The following VAV3 variants were observed in gnomAD, a reference collection of about 807,000 sequenced individuals.
VAV3 encodes guanine nucleotide exchange factor VAV3.
A neutral mutation model predicts 131.2 loss-of-function variants in VAV3; 94 were observed. The observed-to-expected ratio is 0.72, with a 90% CI of 0.61 to 0.85. The LOEUF is 0.85. VAV3 is among the 40% of genes least tolerant of loss of function. The probability of loss-of-function intolerance (pLI) is 0.00; values close to 1 mark genes in which losing one functional copy is unlikely to be tolerated. For missense variants in VAV3, 939 were observed against 1,002.7 expected (o/e 0.94, Z 0.86); for synonymous variants, 349 against 342.0 (o/e 1.02, Z -0.22).
intron 1 of VAV3, among the ~76,000 whole-genome samples, chr1:107,938,506 A>T (rs989136557): frequency 2.6e-5 from 4 of 152,192 alleles, no homozygotes; most frequent in Non-Finnish European, 5.9e-5. Context: ...AGAAAGGGGC[A>T]GAAATGGAAG....
intron 1 of VAV3, among the ~76,000 whole-genome samples, chr1:107,891,248 G>A (rs1478691544): frequency 1.3e-5 from 2 of 151,734 alleles, no homozygotes; most frequent in African/African-American, 2.4e-5. Flanking sequence ...TTACATTTCT[G>A]TGTCAAGCCT....
intron 15 of VAV3, among the ~76,000 whole-genome samples, chr1:107,734,426 G>A (rs1028963292): frequency 3.9e-5 from 6 of 152,194 alleles, no homozygotes; most frequent in Non-Finnish European, 4.4e-5. Flanking sequence ...ATAGGATAAA[G>A]AGACAAGACC....
intron 25 of VAV3, among the ~76,000 whole-genome samples, chr1:107,588,572 C>A (rs988049395): frequency 6.6e-6 from 1 of 152,136 alleles, no homozygotes; most frequent in African/African-American, 2.4e-5. Context: ...TCTTTTAAGC[C>A]TCCTAACATG....
At chr1:107,722,840 C>CTCTTTTTTT (rs371987024) in intron 15 of VAV3, among the ~76,000 whole-genome samples, 2 of 129,812 alleles carry the variant, frequency 1.5e-5, no homozygotes, top group Non-Finnish European at 1.6e-5. Context: ...ATTATCCTCT[C>CTCTTTTTTT]TTTTTTTTTT....
chr1:107,633,848 T>G (rs1323743004), intron 20 of VAV3, among the ~76,000 whole-genome samples: 1 of 152,086 alleles, frequency 6.6e-6, no homozygotes, highest in African/African-American at 2.4e-5. Flanking sequence ...GCTGAGTTCC[T>G]AGACAGAGGC....
chr1:107,814,017 TAC>T (rs986617679), intron 2 of VAV3, among the ~76,000 whole-genome samples: 11 of 148,302 alleles, frequency 7.4e-5, no homozygotes, highest in Non-Finnish European at 1.0e-4. Context: ...TGTGTGTGTA[TAC>T]ACACCATGTT....
intron 1 of VAV3, among the ~76,000 whole-genome samples, chr1:107,876,867 C>T (rs1038955747): frequency 5.3e-5 from 8 of 152,032 alleles, no homozygotes; most frequent in Non-Finnish European, 7.4e-5. Flanking sequence ...AAGTGAGCAA[C>T]GTATTAGCTA....
chr1:107,643,653 G>C (rs1655518897), intron 19 of VAV3, among the ~76,000 whole-genome samples: 1 of 152,144 alleles, frequency 6.6e-6, no homozygotes, highest in South Asian at 2.1e-4. Context: ...TGGTGAAGCT[G>C]TAACTGGCTG....
chr1:107,697,441 G>C (rs1239310343), intron 17 of VAV3, among the ~76,000 whole-genome samples: 3 of 152,162 alleles, frequency 2.0e-5, no homozygotes, highest in African/African-American at 7.2e-5. Context: ...ATGGAAATAT[G>C]CAAAACAGGG....
At chr1:107,576,312 G>A (rs1159412183) in intron 25 of VAV3, 4 of 1,198,708 alleles carry the variant, frequency 3.3e-6, no homozygotes, top group Middle Eastern at 2.0e-4. Flanking sequence ...ATCCGTATGA[G>A]AAGCCATACA....
chr1:107,816,492 T>C (rs1356668796), intron 2 of VAV3, among the ~76,000 whole-genome samples: 1 of 152,188 alleles, frequency 6.6e-6, no homozygotes, highest in Non-Finnish European at 1.5e-5. Context: ...CAGTCCTGGC[T>C]TACACAATCT....
intron 17 of VAV3, among the ~76,000 whole-genome samples, chr1:107,694,174 A>C (rs571210532): frequency 6.6e-6 from 1 of 152,216 alleles, no homozygotes; most frequent in Non-Finnish European, 1.5e-5. Context: ...TAAAGCCTAC[A>C]TAGAAATAAT....
chr1:107,634,205 T>C (rs1654728065), intron 20 of VAV3, among the ~76,000 whole-genome samples: 1 of 152,158 alleles, frequency 6.6e-6, no homozygotes, highest in Admixed American at 6.5e-5. Flanking sequence ...GGCATCATGC[T>C]ACCTGACTTC....
In VAV3 at chr1:107,691,139, T is replaced by C. The variant is rs148285393; in HGVS notation, c.1706-2733A>G. ...CAGACTGCCTCCTTTATAAACACAA[T>C]CTAAACTGTCATACCCACACTAATG... On this transcript the variant is annotated intron_variant, in intron 17 of 26. Coordinates refer to ENST00000370056, the MANE Select transcript of VAV3 (RefSeq NM_006113.5). 3.2e-3 allele frequency among the ~76,000 whole-genome samples: 490 copies of C among 152,144 alleles called. 2 individuals carry two copies. Among genetic ancestry groups the C allele is most frequent in the African/African-American group, 0.011 (452 of 41,496 alleles).
At chr1:107,828,227 T>C (rs1197919670) in intron 2 of VAV3, among the ~76,000 whole-genome samples, 8 of 152,146 alleles carry the variant, frequency 5.3e-5, no homozygotes, top group Admixed American at 3.9e-4. Context: ...GCGTTAAATA[T>C]CGAGGAAGAA....
At chr1:107,750,439 T>A (rs1368036955) in intron 13 of VAV3, among the ~76,000 whole-genome samples, 1 of 152,212 alleles carries the variant, frequency 6.6e-6, no homozygotes, top group Non-Finnish European at 1.5e-5. Flanking sequence ...ACATTTTTTT[T>A]ATACACAATG....
chr1:107,640,006 A>T (rs1390109506), intron 20 of VAV3, among the ~76,000 whole-genome samples: 2 of 152,140 alleles, frequency 1.3e-5, no homozygotes, highest in Non-Finnish European at 2.9e-5. Context: ...ACTCACAAAT[A>T]CAGTTGGGAG....
chr1:107,823,985 A>G (rs1367597914), intron 2 of VAV3, among the ~76,000 whole-genome samples: 2 of 152,116 alleles, frequency 1.3e-5, no homozygotes, highest in East Asian at 3.9e-4. Context: ...TGTTTAAGTC[A>G]CTCTAACTGT....
At chr1:107,836,160 T>G (rs1414709345) in intron 2 of VAV3, among the ~76,000 whole-genome samples, 1 of 152,182 alleles carries the variant, frequency 6.6e-6, no homozygotes, top group African/African-American at 2.4e-5. Flanking sequence ...GGACTTAAAC[T>G]TAACACTTGA....
Sources: allele counts gnomAD v4.1 joint callset (sites outside exome capture counted in the v4.1 genomes callset), GRCh38; gene constraint gnomAD v4.1.1; transcripts MANE v1.5; gene names NCBI Gene and HGNC (gene_info 2026-07-23, HGNC 2026-07-21).